Variants in GOLGA6L2 observed in about 807,000 individuals in gnomAD.
GOLGA6L2 encodes golgin subfamily A member 6-like protein 2.
A neutral mutation model predicts 35.9 loss-of-function variants in GOLGA6L2; 30 were observed. The ratio of observed to expected loss-of-function variants is 0.83; its 90% CI spans 0.62 to 1.13. GOLGA6L2 has a LOEUF of 1.13. GOLGA6L2 is among the 50% of genes most tolerant of loss of function. The pLI, the probability that GOLGA6L2 is intolerant of heterozygous loss-of-function variation, is 0.00. For missense variants in GOLGA6L2, 821 were observed against 973.4 expected, an observed-to-expected ratio of 0.84 and a Z score of 2.08; for synonymous variants, 297 against 344.0, an observed-to-expected ratio of 0.86 and a Z score of 1.51.
chr15:23,444,683 GC>G (rs770350929), intron 2 of GOLGA6L2, among the ~76,000 whole-genome samples, 183 bp from the exon 3 acceptor site: 1 of 152,116 alleles, frequency 6.6e-6, no homozygotes, highest in Non-Finnish European at 1.5e-5. Context: ...GTTGGTTTTT[GC>G]CCTCAGCCAC....
chr15:23,444,511 A>C lies in GOLGA6L2; in HGVS notation c.214-11T>G. Reference sequence around the variant, plus strand: ...TCGGTTCTGTTGTGTCTGTGGGGAGAGTCAAAGGAAGGTGACTGAGGGTGG... The same window carrying C: ...TCGGTTCTGTTGTGTCTGTGGGGAGCGTCAAAGGAAGGTGACTGAGGGTGG... On this transcript the variant is annotated splice_polypyrimidine_tract_variant and intron_variant, in intron 2 of 7. Transcript: ENST00000567107. 26 of 1,599,178 alleles carry C rather than the reference A, an allele frequency of 1.6e-5. No homozygotes were observed. Among genetic ancestry groups the C allele is most frequent in the Non-Finnish European group, 2.1e-5 (25 of 1,179,636 alleles).
chr15:23,447,017 T>C, intron 1 of GOLGA6L2, 81 bp downstream of exon 1: 2 of 682,478 alleles, frequency 2.9e-6, no homozygotes, highest in East Asian at 6.1e-5. Context: ...TGGAATGGCA[T>C]GGACTCTGGC....
Position 23,444,507 on chromosome 15 carries a change from GGA to G in GOLGA6L2, c.214-9_214-8del. The G allele has an allele frequency of 1.9e-6, 3 of 1,599,410 alleles. No individual in the cohort carries two copies. The highest frequency in any genetic ancestry group is 2.5e-6 in the Non-Finnish European group (3 of 1,179,658). On this transcript the variant is annotated splice_region_variant and splice_polypyrimidine_tract_variant and intron_variant, in intron 2 of 7. Transcript: ENST00000567107. ...GCGCTCGGTTCTGTTGTGTCTGTGGGGAGAGTCAAAGGAAGGTGACTGAGGGT... is the reference window on the plus strand; with the variant it reads ...GCGCTCGGTTCTGTTGTGTCTGTGGGGAGTCAAAGGAAGGTGACTGAGGGT...
rs542086437 is a variant in GOLGA6L2, at chr15:23,441,205, C to T, written c.1270G>A (p.Glu424Lys). The change falls in exon 8 of 8, where the codon GAG (glutamate) becomes AAG (lysine). Residue 424 changes from glutamate to lysine, a missense_variant. Glu to Lys is a moderately conservative substitution (Grantham distance 56, BLOSUM62 1). Transcript: ENST00000567107. ...REQEKMWEQV[E>K]KMREEKKMQE... is the part of the protein sequence containing the mutation. Reference sequence around the variant, plus strand: ...ATCTTCTTCTCCTCCCGCATCTTCTCCACCTGCTCCCACATCTTCTCCTGC... The same window carrying T: ...ATCTTCTTCTCCTCCCGCATCTTCTTCACCTGCTCCCACATCTTCTCCTGC... 2.7e-4 allele frequency: 410 copies of T among 1,539,656 alleles called. 3 individuals are homozygous for T. In the African/African-American group the frequency reaches 5.2e-3, roughly 20 times the overall value.
rs547336861 is a variant in GOLGA6L2, at chr15:23,446,040, C to T, written c.85-602G>A. Among the ~76,000 whole-genome samples the T allele has an allele frequency of 1.4e-4, 22 of 152,244 alleles. 1 individual carries two copies. The South Asian group carries it at 4.1e-3, about 29-fold the overall frequency. On this transcript the variant is annotated intron_variant, in intron 1 of 7. Transcript: ENST00000567107. ...TGTATCCTGTGGCACTCAAAGTACC[C>T]CAGGTTGAGATGCGATGAGGAAGAT...
Position 23,439,153 on chromosome 15 carries a change from C to CT in GOLGA6L2, c.*591dup, listed in dbSNP as rs3038535. Among the ~76,000 whole-genome samples the CT allele has an allele frequency of 0.18, 25,344 of 138,530 alleles. 2,920 individuals carry two copies. Among genetic ancestry groups the CT allele is most frequent in the African/African-American group, 0.31 (11,513 of 37,602 alleles). The allele number at this position is 138,530 out of a possible 152,430, so 90.9% of individuals were successfully genotyped here. On this transcript the variant is annotated 3_prime_UTR_variant, in exon 8 of 8. Transcript: ENST00000567107. ...AGATATCAGAGTCCTCAGGTAGAAA[C>CT]TTTTTTTTTTTTTTTGAGATGGAAT...
At chr15:23,442,910 T>C (rs2070713227) in intron 5 of GOLGA6L2, among the ~76,000 whole-genome samples, 1 of 152,138 alleles carries the variant, frequency 6.6e-6, no homozygotes, top group African/African-American at 2.4e-5. Context: ...AATTGATAGC[T>C]GGCTAACAGG....
Position 23,439,375 on chromosome 15 carries a change from G to T in GOLGA6L2, c.*370C>A. On this transcript the variant is annotated 3_prime_UTR_variant, in exon 8 of 8. Coordinates refer to ENST00000567107, the MANE Select transcript of GOLGA6L2 (RefSeq NM_001304388.2). ...ATCCACCCCCTCTAGGTCTCCCAAA[G>T]TGCTGCGGTTGTAGGTTTCGGCCAC... 1 of 377,882 alleles carries T rather than the reference G, an allele frequency of 2.6e-6. No individual in the cohort carries two copies. Among genetic ancestry groups the T allele is most frequent in the Non-Finnish European group, 4.9e-6 (1 of 203,666 alleles). The allele number at this position is 377,882 out of a possible 1,614,324, so 23.4% of individuals were successfully genotyped here. A position where few individuals can be genotyped will look rare whatever the true frequency, so the allele number is the denominator to read the frequency against.
rs542722989 is a variant in GOLGA6L2 at position 23,439,570 on chromosome 15, C to T, written c.*175G>A. The T allele has an allele frequency of 2.0e-6, 3 of 1,527,818 alleles. No homozygotes were observed. In the South Asian group the frequency reaches 3.6e-5, roughly 18 times the overall value. The allele number at this position is 1,527,818 out of a possible 1,614,324, so 94.6% of individuals were successfully genotyped here. ...AGATATTGATGATCTTCATCTTTCT[C>T]TTGTCTCCTCGGTAGAAGAATGGGA... is the stretch of plus-strand genomic sequence containing the variant. On this transcript the variant is annotated 3_prime_UTR_variant, in exon 8 of 8. Coordinates refer to ENST00000567107, the MANE Select transcript of GOLGA6L2 (RefSeq NM_001304388.2).
At position 23,443,784 on chromosome 15, in the gene GOLGA6L2, G is replaced by A; in HGVS notation, c.584C>T (p.Ala195Val). 1 of 1,537,092 alleles carries A rather than the reference G, an allele frequency of 6.5e-7. No homozygotes were observed. ...GGAGGTGATTGGACTTACCCTGTCT[G>A]CCTTCTTGTGCCATGTGGACACAGC... is the stretch of plus-strand genomic sequence containing the variant. ...LSAVSTWHKK[A>V]DRYIEELTKE... The change falls in exon 5 of 8, where the codon GCA becomes GTA. Residue 195 changes from alanine (A) to valine (V), a missense_variant. Ala to Val is a moderately conservative substitution (Grantham distance 64). Coordinates refer to ENST00000567107, the MANE Select transcript of GOLGA6L2 (RefSeq NM_001304388.2).
rs1278283654 is a variant in GOLGA6L2 at position 23,444,019 on chromosome 15, CT to C, written c.348del (p.Ala117ArgfsTer86). ...ILTCQKTELE[T>X]ALYYSQDAAR... ...GCAGCATCCTGGCTGTAATAGAGCG[CT>C]GTCTCCAGTTCAGTTTTCTGACACG... On this transcript the variant is annotated frameshift_variant, in exon 5 of 8. Transcript: ENST00000567107. LOFTEE classifies it high-confidence loss of function. The C allele has an allele frequency of 1.4e-5, 21 of 1,552,044 alleles. No homozygotes were observed. The East Asian group carries it at 4.7e-4, about 35-fold the overall frequency.
intron 1 of GOLGA6L2, among the ~76,000 whole-genome samples, chr15:23,446,075 C>T (rs986460091): frequency 6.6e-6 from 1 of 152,196 alleles, no homozygotes; most frequent in Non-Finnish European, 1.5e-5. Context: ...TTCAAGTTGT[C>T]AAGTTCAGTT....
At chr15:23,445,545 C>T (rs962783394) in intron 1 of GOLGA6L2, 107 bp from the exon 2 acceptor site, 5 of 254,690 alleles carry the variant, frequency 2.0e-5, no homozygotes, top group East Asian at 1.0e-4. Flanking sequence ...ATGCCACCAA[C>T]GACCGTACGA....
intron 4 of GOLGA6L2, 42 bp downstream of exon 4, chr15:23,444,120 C>T: frequency 6.3e-7 from 1 of 1,596,914 alleles, no homozygotes; most frequent in Non-Finnish European, 8.5e-7. Flanking sequence ...GCAAAAAAAC[C>T]TTCTCCAGAG....
chr15:23,447,230 G>C lies in GOLGA6L2; in HGVS notation c.-49C>G. Reference sequence around the variant, plus strand: ...GGATACACCTCCAGTCACGTACCACGCAGCTATGTGACTGAGCCAGAGGAG... The same window carrying C: ...GGATACACCTCCAGTCACGTACCACCCAGCTATGTGACTGAGCCAGAGGAG... On this transcript the variant is annotated 5_prime_UTR_variant, in exon 1 of 8. Coordinates refer to ENST00000567107, the MANE Select transcript of GOLGA6L2 (RefSeq NM_001304388.2). 1 of 1,053,552 alleles carries C rather than the reference G, an allele frequency of 9.5e-7. No individual in the cohort carries two copies. The allele number at this position is 1,053,552 out of a possible 1,614,324, so 65.3% of individuals were successfully genotyped here. A position where few individuals can be genotyped will look rare whatever the true frequency, so the allele number is the denominator to read the frequency against.
rs985578448 is a variant in GOLGA6L2, at chr15:23,444,574, G to T, written c.214-74C>A. ...TATTCCCCAGGCCAGGAAGCGGTAC[G>T]CAGGGGTCAGGAATGGATTTTAAAG... On this transcript the variant is annotated intron_variant, in intron 2 of 7. Coordinates refer to ENST00000567107, the MANE Select transcript of GOLGA6L2 (RefSeq NM_001304388.2). 16 of 1,388,928 alleles carry T rather than the reference G, an allele frequency of 1.2e-5. No homozygotes were observed. The East Asian group carries it at 3.0e-4, about 26-fold the overall frequency. The allele number at this position is 1,388,928 out of a possible 1,614,324, so 86.0% of individuals were successfully genotyped here. A position where few individuals can be genotyped will look rare whatever the true frequency, so the allele number is the denominator to read the frequency against.
chr15:23,439,445 T>G lies in GOLGA6L2; in HGVS notation c.*300A>C. 3.1e-6 allele frequency: 2 copies of G among 639,026 alleles called. No homozygotes were observed. The highest frequency in any genetic ancestry group is 4.8e-6 in the Non-Finnish European group (2 of 418,898). 39.6% of individuals were successfully genotyped at this position (639,026 alleles called of 1,614,324 possible). On this transcript the variant is annotated 3_prime_UTR_variant, in exon 8 of 8. Coordinates refer to ENST00000567107, the MANE Select transcript of GOLGA6L2 (RefSeq NM_001304388.2). ...ACCACAATTTAAAGTAAATTTTCTT[T>G]TCTTTTTTTTTTTTTTTTTCAAGTT... is the stretch of plus-strand genomic sequence containing the variant.
At chr15:23,441,798 C>T (rs2070696588) in intron 7 of GOLGA6L2, 116 bp from the exon 8 acceptor site, 2 of 1,360,924 alleles carry the variant, frequency 1.5e-6, no homozygotes, top group Non-Finnish European at 1.9e-6. Context: ...GTTCTGATTT[C>T]CCAGGCAGGG....
chr15:23,441,564 T>A lies in GOLGA6L2; in HGVS notation c.911A>T (p.Glu304Val). 6.6e-7 allele frequency: 1 copy of A among 1,510,676 alleles called. No homozygotes were observed. The highest frequency in any genetic ancestry group is 8.9e-7 in the Non-Finnish European group (1 of 1,122,610). The allele number at this position is 1,510,676 out of a possible 1,614,324, so 93.6% of individuals were successfully genotyped here. Residue 304 changes from glutamate to valine, a missense_variant, in exon 8 of 8, where the codon GAG becomes GTG. Physicochemically the swap from Glu to Val is moderately radical, Grantham distance 121. This residue lies in a region of GOLGA6L2 where 614 missense variants were observed against 632.3 expected (regional missense o/e 0.97). Transcript: ENST00000567107. Reference sequence around the variant, plus strand: ...CTGCTCCCGCATCTTCCCCTCCTGCTCCCGCAGTCTCTCCTCCTGTCTCCA... The same window carrying A: ...CTGCTCCCGCATCTTCCCCTCCTGCACCCGCAGTCTCTCCTCCTGTCTCCA... ...KMWRQEERLR[E>V]QEGKMREQEE...
Sources: allele counts gnomAD v4.1 joint callset (sites outside exome capture counted in the v4.1 genomes callset), GRCh38; gene constraint gnomAD v4.1.1; regional missense constraint gnomAD v4.1.1; transcripts MANE v1.5; gene names NCBI Gene and HGNC (gene_info 2026-07-23, HGNC 2026-07-21).